The following TAF3 variants were observed in gnomAD, a reference collection of about 807,000 sequenced individuals.
TAF3 encodes the protein TATA-box binding protein associated factor 3.
TAF3 carries 7 observed loss-of-function variants against 80.6 expected under a neutral mutation model. The observed-to-expected ratio is 0.09, with a 90% CI of 0.05 to 0.16. The LOEUF (loss-of-function observed/expected upper bound fraction) is 0.16, where lower values mean the gene tolerates loss of function less well. TAF3 is among the 10% of genes least tolerant of loss of function. TAF3 has a pLI of 1.00. For synonymous variants in TAF3, 444 were observed against 446.1 expected (o/e 1.00, Z 0.06); for missense variants, 921 against 1,140.2 (o/e 0.81, Z 2.77).
chr10:7,957,195 A>G (rs932490150), intron 2 of TAF3, among the ~76,000 whole-genome samples: 1 of 152,158 alleles, frequency 6.6e-6, no homozygotes, highest in Admixed American at 6.5e-5. Flanking sequence ...ACCTATCCAG[A>G]ACTACCTTTC....
At chr10:7,902,863 C>G (rs932079258) in intron 2 of TAF3, among the ~76,000 whole-genome samples, 7 of 151,650 alleles carry the variant, frequency 4.6e-5, no homozygotes, top group African/African-American at 7.3e-5. Context: ...AAAGAATTGT[C>G]TCTCTTCCAC....
At chr10:7,901,706 A>C (rs1837560033) in intron 2 of TAF3, among the ~76,000 whole-genome samples, 1 of 152,240 alleles carries the variant, frequency 6.6e-6, no homozygotes, top group Admixed American at 6.5e-5. Flanking sequence ...GGGAATACCC[A>C]GTAAACTTCT....
chr10:7,998,024 G>T (rs747837247), intron 4 of TAF3, among the ~76,000 whole-genome samples: 3 of 151,474 alleles, frequency 2.0e-5, no homozygotes. Flanking sequence ...AACTGTTTTC[G>T]GTCATCACAA....
chr10:7,965,301 T>A lies in TAF3; in HGVS notation c.1791T>A (p.Asp597Glu). Residue 597 changes from aspartate to glutamate, a missense_variant, in exon 3 of 7, where the codon GAT becomes GAA. Physicochemically the swap from Asp to Glu is conservative, Grantham distance 45 (BLOSUM62 2). Coordinates refer to ENST00000344293, the MANE Select transcript of TAF3 (RefSeq NM_031923.4). ...PYKFKIKEFE[D>E]VDPKVKLKDG... ...AGTTTAAAATCAAAGAATTTGAAGA[T>A]GTTGATCCCAAAGTGAAATTGAAAG... 1 of 1,605,766 alleles carries A rather than the reference T, an allele frequency of 6.2e-7. No homozygotes were observed. Among genetic ancestry groups the A allele is most frequent in the Non-Finnish European group, 8.5e-7 (1 of 1,178,160 alleles).
intron 4 of TAF3, among the ~76,000 whole-genome samples, chr10:7,989,318 C>A (rs918187564): frequency 6.6e-6 from 1 of 152,182 alleles, no homozygotes; most frequent in Admixed American, 6.5e-5. Flanking sequence ...GGGCTGAAGG[C>A]AGGGGCAAGG....
At chr10:7,869,140 G>C (rs976456589) in intron 2 of TAF3, among the ~76,000 whole-genome samples, 4 of 152,102 alleles carry the variant, frequency 2.6e-5, no homozygotes, top group Non-Finnish European at 4.4e-5. Context: ...CTAGAAGATA[G>C]TAACTTTAGA....
rs568421278 is a variant in TAF3, at chr10:7,933,978, G to A, written c.410-29942G>A. The stretch of plus-strand genomic sequence containing the variant: ...TCGTCACCGCCTGCACACATGCACC[G>A]AAACCTGCAGAATGAGTGTCAATGG... On this transcript the variant is annotated intron_variant, in intron 2 of 6. Coordinates refer to ENST00000344293, the MANE Select transcript of TAF3 (RefSeq NM_031923.4). Among the ~76,000 whole-genome samples, 16 of 152,262 alleles carry A rather than the reference G, an allele frequency of 1.1e-4. No homozygotes were observed. In the East Asian group the frequency reaches 1.7e-3, roughly 17 times the overall value.
chr10:7,870,692 G>T (rs1023563538), intron 2 of TAF3, among the ~76,000 whole-genome samples: 1 of 151,972 alleles, frequency 6.6e-6, no homozygotes, highest in Admixed American at 6.6e-5. Context: ...TTCTGAGTTC[G>T]CCTTCCTTCA....
intron 3 of TAF3, among the ~76,000 whole-genome samples, chr10:7,974,168 A>T (rs1400564708): frequency 6.7e-6 from 1 of 149,748 alleles, no homozygotes; most frequent in Non-Finnish European, 1.5e-5. Context: ...ACACACACAC[A>T]CACAAACACA....
rs1554779069 is a variant in TAF3 at position 7,873,621 on chromosome 10, C to CCCG, written c.409+49063_409+49064insGCC. On this transcript the variant is annotated intron_variant, in intron 2 of 6. Transcript: ENST00000344293. Reference sequence around the variant, plus strand: ...CAAGGGAAGACATCCGAGTTCTCCCCCCCCCCCCGTCAAAAGGGGGTGTCG... The same window carrying CCCG: ...CAAGGGAAGACATCCGAGTTCTCCCCCCGCCCCCCCCGTCAAAAGGGGGTGTCG... Among the ~76,000 whole-genome samples, 2 of 130,410 alleles carry CCCG rather than the reference C, an allele frequency of 1.5e-5. 1 individual carries two copies. Among genetic ancestry groups the CCCG allele is most frequent in the Admixed American group, 1.5e-4 (2 of 13,436 alleles). The allele number at this position is 130,410 out of a possible 152,430, so 85.6% of individuals were successfully genotyped here. A position where few individuals can be genotyped will look rare whatever the true frequency, so the allele number is the denominator to read the frequency against.
chr10:7,998,961 A>G (rs1461904079), intron 4 of TAF3, among the ~76,000 whole-genome samples: 2 of 152,148 alleles, frequency 1.3e-5, no homozygotes, highest in Non-Finnish European at 2.9e-5. Flanking sequence ...ATGTAAAACC[A>G]TTTCCGGAAA....
intron 2 of TAF3, among the ~76,000 whole-genome samples, chr10:7,943,250 T>C (rs180792396): frequency 6.6e-6 from 1 of 152,312 alleles, no homozygotes; most frequent in East Asian, 1.9e-4. Flanking sequence ...GTTTCTTGGC[T>C]TCTGTCTTCT....
At chr10:8,007,947 T>C (rs1424806390) in intron 4 of TAF3, among the ~76,000 whole-genome samples, 1 of 152,064 alleles carries the variant, frequency 6.6e-6, no homozygotes, top group Admixed American at 6.6e-5. Context: ...CTGCTTCCAC[T>C]GGCGAGAGTT....
intron 2 of TAF3, among the ~76,000 whole-genome samples, chr10:7,898,213 T>C (rs888605422): frequency 1.3e-5 from 2 of 152,116 alleles, no homozygotes; most frequent in African/African-American, 4.8e-5. Context: ...GGAATTTATG[T>C]TCCCAAAATT....
rs542870872 is a variant in TAF3, at chr10:7,832,373, C to T, written c.409+7813C>T. Among the ~76,000 whole-genome samples, 7 of 150,552 alleles carry T rather than the reference C, an allele frequency of 4.6e-5. No individual in the cohort carries two copies. In the Admixed American group the frequency reaches 4.7e-4, roughly 10 times the overall value. ...TATGTTGTCACAAATGACAAAATTTCCTTCTTTTTTTAAAGGCTGAATAAT... is the reference window on the plus strand; with the variant it reads ...TATGTTGTCACAAATGACAAAATTTTCTTCTTTTTTTAAAGGCTGAATAAT... On this transcript the variant is annotated intron_variant, in intron 2 of 6. Coordinates refer to ENST00000344293, the MANE Select transcript of TAF3 (RefSeq NM_031923.4).
chr10:7,905,232 C>T (rs947998999), intron 2 of TAF3, among the ~76,000 whole-genome samples: 5 of 152,120 alleles, frequency 3.3e-5, no homozygotes, highest in Admixed American at 2.6e-4. Context: ...GTACAGAAAC[C>T]GACAAGTAGA....
chr10:7,936,005 G>A (rs1378942921), intron 2 of TAF3, among the ~76,000 whole-genome samples: 1 of 152,210 alleles, frequency 6.6e-6, no homozygotes, highest in Non-Finnish European at 1.5e-5. Context: ...GAGGGAAGCA[G>A]CAAGTCCTGA....
In TAF3 at chr10:7,922,815, C is replaced by G. The variant is rs889341132; in HGVS notation, c.410-41105C>G. On this transcript the variant is annotated intron_variant, in intron 2 of 6. Coordinates refer to ENST00000344293, the MANE Select transcript of TAF3 (RefSeq NM_031923.4). Reference sequence around the variant, plus strand: ...TACTTCTTGAAATATTTAGAAATCACTTGGAGTTCATTTTATCTCAGCCTT... The same window carrying G: ...TACTTCTTGAAATATTTAGAAATCAGTTGGAGTTCATTTTATCTCAGCCTT... Among the ~76,000 whole-genome samples the G allele has an allele frequency of 2.0e-5, 3 of 152,094 alleles. No individual in the cohort carries two copies. In the East Asian group the frequency reaches 5.8e-4, roughly 29 times the overall value.
Position 7,818,669 on chromosome 10 carries a change from A to G in TAF3, c.-41A>G. On this transcript the variant is annotated 5_prime_UTR_variant, in exon 1 of 7. Transcript: ENST00000344293. ...CTAAGGTCTGGCGGCGGGGCTGGAGAGCAGTGGCAGCAAGGGCTGCGGTGG... is the reference window on the plus strand; with the variant it reads ...CTAAGGTCTGGCGGCGGGGCTGGAGGGCAGTGGCAGCAAGGGCTGCGGTGG... The G allele has an allele frequency of 6.3e-7, 1 of 1,587,152 alleles. No homozygotes were observed. Among genetic ancestry groups the G allele is most frequent in the Non-Finnish European group, 8.5e-7 (1 of 1,170,090 alleles).
Sources: gnomAD v4.1 joint callset for allele counts (sites outside exome capture counted in the v4.1 genomes callset) on GRCh38, gnomAD v4.1.1 for gene constraint, MANE v1.5 for transcripts, NCBI Gene and HGNC (gene_info 2026-07-23, HGNC 2026-07-21) for gene names.